The following COL22A1 variants were observed in gnomAD, a reference collection of about 807,000 sequenced individuals.
COL22A1 encodes the protein collagen alpha-1(XXII) chain.
Under a neutral mutation model 248.9 loss-of-function variants are expected in COL22A1, and 221 were observed. The observed-to-expected ratio is 0.89, with a 90% CI of 0.80 to 0.99. The LOEUF (loss-of-function observed/expected upper bound fraction) is 0.99. Ranked by LOEUF, COL22A1 falls within the 50% of genes least tolerant of loss-of-function variation. The probability of loss-of-function intolerance (pLI) is 0.00; values close to 1 mark genes in which losing one functional copy is unlikely to be tolerated. For synonymous variants in COL22A1, 891 were observed against 793.4 expected, an observed-to-expected ratio of 1.12 and a Z score of -2.07; for missense variants, 2,240 against 2,179.0, an observed-to-expected ratio of 1.03 and a Z score of -0.56.
chr8:138,861,231 T>C lies in COL22A1; in HGVS notation c.658+16519A>G, dbSNP rs145841556. ...GGTCCTGGGTCTTGAGCAGACCAACTGGAGCAAGGAGGTTAGATCTCCACT... is the reference window on the plus strand; with the variant it reads ...GGTCCTGGGTCTTGAGCAGACCAACCGGAGCAAGGAGGTTAGATCTCCACT... On this transcript the variant is annotated intron_variant, in intron 3 of 64. Coordinates refer to ENST00000303045, the MANE Select transcript of COL22A1 (RefSeq NM_152888.3). 4.4e-3 allele frequency among the ~76,000 whole-genome samples: 665 copies of C among 152,242 alleles called. 7 individuals carry two copies. Among genetic ancestry groups the C allele is most frequent in the African/African-American group, 0.015 (620 of 41,550 alleles).
chr8:138,665,573 C>A (rs967556426), intron 41 of COL22A1, among the ~76,000 whole-genome samples: 1 of 152,212 alleles, frequency 6.6e-6, no homozygotes, highest in African/African-American at 2.4e-5. Flanking sequence ...TGCCTACACA[C>A]AAGTCAACTT....
In COL22A1 at chr8:138,813,368, C is replaced by T. The variant is rs549583778; in HGVS notation, c.1246-349G>A. ...TTCTCATGGTAGTGAATAAGTGTCA[C>T]GAGATCTGATGGTTTTATAAGGGGT... On this transcript the variant is annotated intron_variant, in intron 7 of 64. Coordinates refer to ENST00000303045, the MANE Select transcript of COL22A1 (RefSeq NM_152888.3). Among the ~76,000 whole-genome samples the T allele has an allele frequency of 1.1e-4, 16 of 152,282 alleles. No individual in the cohort carries two copies. In the East Asian group the frequency reaches 2.3e-3, roughly 22 times the overall value.
intron 27 of COL22A1, among the ~76,000 whole-genome samples, chr8:138,717,736 TG>T (rs1317843675): frequency 6.6e-6 from 1 of 152,148 alleles, no homozygotes; most frequent in Non-Finnish European, 1.5e-5. Flanking sequence ...CCGGATGAAG[TG>T]GGGAACACAG....
chr8:138,821,000 T>C lies in COL22A1; in HGVS notation c.1245+136A>G, dbSNP rs1819068993. The C allele has an allele frequency of 4.2e-6, 4 of 949,572 alleles. No homozygotes were observed. The South Asian group carries it at 5.2e-5, about 12-fold the overall frequency. 58.8% of individuals were successfully genotyped at this position (949,572 alleles called of 1,614,324 possible). On this transcript the variant is annotated intron_variant, in intron 7 of 64. Coordinates refer to ENST00000303045, the MANE Select transcript of COL22A1 (RefSeq NM_152888.3). The stretch of plus-strand genomic sequence containing the variant: ...ATGGCAGTTTTCTGAGTCAGGGTCT[T>C]TCCTTCTAAGACGGTCCAAGGTGAT...
At position 138,623,802 on chromosome 8, in the gene COL22A1, A is replaced by T; in HGVS notation, c.3718-17T>A. ...TTCTTCTCCCTGCAAGAGAAACTCA[A>T]ATTGGTTATCAGGTCAAAGAAGATT... On this transcript the variant is annotated splice_polypyrimidine_tract_variant and intron_variant, in intron 51 of 64. Coordinates refer to ENST00000303045, the MANE Select transcript of COL22A1 (RefSeq NM_152888.3). 6.2e-7 allele frequency: 1 copy of T among 1,610,758 alleles called. No homozygotes were observed. Among genetic ancestry groups the T allele is most frequent in the East Asian group, 2.2e-5 (1 of 44,706 alleles).
rs1226495134 is a variant in COL22A1, at chr8:138,604,173, A to G, written c.4140+561T>C. Among the ~76,000 whole-genome samples the G allele has an allele frequency of 2.6e-5, 4 of 152,128 alleles. 1 individual carries two copies. The highest frequency in any genetic ancestry group is 5.9e-5 in the Non-Finnish European group (4 of 68,038). On this transcript the variant is annotated intron_variant, in intron 59 of 64. Transcript: ENST00000303045. ...CAGGAGCTAAGAGGCCAGTGACTAGAGCTTAGAGAAGGAGGGGAGTGGTGG... is the reference window on the plus strand; with the variant it reads ...CAGGAGCTAAGAGGCCAGTGACTAGGGCTTAGAGAAGGAGGGGAGTGGTGG...
intron 11 of COL22A1, among the ~76,000 whole-genome samples, chr8:138,798,003 T>A (rs1816696840): frequency 6.6e-6 from 1 of 151,902 alleles, no homozygotes; most frequent in Non-Finnish European, 1.5e-5. Flanking sequence ...AGATGTTTAT[T>A]TTCCATCCTT....
At chr8:138,606,280 A>T in intron 58 of COL22A1, 101 bp downstream of exon 58, 2 of 1,076,762 alleles carry the variant, frequency 1.9e-6, no homozygotes, top group South Asian at 1.4e-5. Context: ...TGGCCTGAGC[A>T]GACAGAACTG....
chr8:138,764,073 G>C (rs896631888), intron 16 of COL22A1, among the ~76,000 whole-genome samples: 1 of 152,094 alleles, frequency 6.6e-6, no homozygotes, highest in African/African-American at 2.4e-5. Context: ...TGATTTCTTT[G>C]CTGCTTTTTC....
At position 138,875,357 on chromosome 8, in the gene COL22A1, T is replaced by C. The variant is rs77187835; in HGVS notation, c.658+2393A>G. ...GACCTCTCTGGGGTTGTCTTTGCCATTCTCAGAGCCATCCCTGGGCATGAA... is the reference window on the plus strand; with the variant it reads ...GACCTCTCTGGGGTTGTCTTTGCCACTCTCAGAGCCATCCCTGGGCATGAA... On this transcript the variant is annotated intron_variant, in intron 3 of 64. Coordinates refer to ENST00000303045, the MANE Select transcript of COL22A1 (RefSeq NM_152888.3). Among the ~76,000 whole-genome samples the C allele has an allele frequency of 6.9e-3, 1,043 of 152,194 alleles. 12 individuals are homozygous for C. Among genetic ancestry groups the C allele is most frequent in the African/African-American group, 0.024 (1,009 of 41,526 alleles).
intron 59 of COL22A1, among the ~76,000 whole-genome samples, chr8:138,604,151 G>T (rs755746654): frequency 6.6e-6 from 1 of 152,180 alleles, no homozygotes; most frequent in Non-Finnish European, 1.5e-5. Flanking sequence ...CACGTCTCAG[G>T]AGCTAAGAGG....
At chr8:138,664,866 G>A (rs906293911) in intron 41 of COL22A1, among the ~76,000 whole-genome samples, 1 of 151,986 alleles carries the variant, frequency 6.6e-6, no homozygotes, top group African/African-American at 2.4e-5. Context: ...AAGGTCCAGA[G>A]GAGAGAGAGA....
chr8:138,772,116 A>T (rs1834417690), intron 16 of COL22A1, among the ~76,000 whole-genome samples: 1 of 152,088 alleles, frequency 6.6e-6, no homozygotes, highest in African/African-American at 2.4e-5. Context: ...CCACCCGCAC[A>T]TCGCCAAAAA....
At chr8:138,793,021 T>C (rs1420333587) in intron 12 of COL22A1, among the ~76,000 whole-genome samples, 1 of 152,170 alleles carries the variant, frequency 6.6e-6, no homozygotes, top group Non-Finnish European at 1.5e-5. Context: ...AGAGTAAGTA[T>C]GAAATACCCT....
intron 6 of COL22A1, among the ~76,000 whole-genome samples, chr8:138,824,291 C>T (rs774973282): frequency 2.0e-5 from 3 of 152,188 alleles, no homozygotes; most frequent in East Asian, 1.9e-4. Flanking sequence ...TCCAGCAGTC[C>T]GATGTCTTGT....
At chr8:138,835,448 C>T (rs1048626740) in intron 4 of COL22A1, among the ~76,000 whole-genome samples, 2 of 152,152 alleles carry the variant, frequency 1.3e-5, no homozygotes, top group African/African-American at 4.8e-5. Context: ...ACCCACAGTC[C>T]CACAACTGAG....
chr8:138,838,705 A>G (rs563118070), intron 4 of COL22A1, among the ~76,000 whole-genome samples: 1 of 152,122 alleles, frequency 6.6e-6, no homozygotes, highest in South Asian at 2.1e-4. Flanking sequence ...CAAAATAAAT[A>G]AGGGCTGGGA....
Position 138,589,109 on chromosome 8 carries a change from G to T in COL22A1, c.*144C>A. The stretch of plus-strand genomic sequence containing the variant: ...ATTTAATAATTTTGAGGTCTCTCAA[G>T]AAAATAAAACAAAAAGCAAACGATA... On this transcript the variant is annotated 3_prime_UTR_variant, in exon 65 of 65. Transcript: ENST00000303045. 1 of 761,566 alleles carries T rather than the reference G, an allele frequency of 1.3e-6. No individual in the cohort carries two copies. Among genetic ancestry groups the T allele is most frequent in the Non-Finnish European group, 2.1e-6 (1 of 471,652 alleles). The allele number at this position is 761,566 out of a possible 1,614,324, so 47.2% of individuals were successfully genotyped here.
chr8:138,865,854 C>A (rs1008305639), intron 3 of COL22A1, among the ~76,000 whole-genome samples: 2 of 106,822 alleles, frequency 1.9e-5, no homozygotes, highest in Non-Finnish European at 3.9e-5. Context: ...TGTGAGTGTA[C>A]GTGTGTGTAT....
Sources: gnomAD v4.1 joint callset for allele counts (sites outside exome capture counted in the v4.1 genomes callset) on GRCh38, gnomAD v4.1.1 for gene constraint, MANE v1.5 for transcripts, NCBI Gene and HGNC (gene_info 2026-07-23, HGNC 2026-07-21) for gene names.